C2orf80: variants seen among roughly 807,000 people sequenced by gnomAD.
C2orf80 encodes uncharacterized protein C2orf80.
C2orf80 carries 28 observed loss-of-function variants against 30.2 expected under a neutral mutation model. That is an observed-to-expected ratio of 0.93 (90% CI 0.69 to 1.27). The LOEUF (loss-of-function observed/expected upper bound fraction) is 1.27, where lower values mean the gene tolerates loss of function less well. Ranked by LOEUF, C2orf80 falls within the 50% of genes most tolerant of loss-of-function variation. The pLI, the probability that C2orf80 is intolerant of heterozygous loss-of-function variation, is 0.00. For missense variants in C2orf80, 220 were observed against 231.0 expected, an observed-to-expected ratio of 0.95 and a Z score of 0.31; for synonymous variants, 80 against 76.4, an observed-to-expected ratio of 1.05 and a Z score of -0.24.
In C2orf80 at chr2:208,184,932, TC is replaced by T; in HGVS notation, c.123+18del. On this transcript the variant is annotated intron_variant, in intron 3 of 8. Coordinates refer to ENST00000341287, the MANE Select transcript of C2orf80 (RefSeq NM_001099334.3). ...ACATATAACACAAATATGACTCGCA[TC>T]AGCGTGCCTTTCTTTACCATATCAT... 6.3e-7 allele frequency: 1 copy of T among 1,595,768 alleles called. No individual in the cohort carries two copies. The highest frequency in any genetic ancestry group is 1.7e-4 in the Middle Eastern group (1 of 6,010).
intron 6 of C2orf80, among the ~76,000 whole-genome samples, chr2:208,178,951 G>A (rs1256355336): frequency 6.6e-6 from 1 of 151,962 alleles, no homozygotes; most frequent in East Asian, 1.9e-4. Context: ...TAGAGTTGGG[G>A]TTTCACCATG....
intron 2 of C2orf80, among the ~76,000 whole-genome samples, 158 bp from the exon 3 acceptor site, chr2:208,185,190 G>T (rs879077422): frequency 6.6e-6 from 1 of 151,370 alleles, no homozygotes; most frequent in Middle Eastern, 3.2e-3. Flanking sequence ...TGGTTTACAC[G>T]ACAATTCTAC....
intron 8 of C2orf80, 32 bp from the exon 9 acceptor site, chr2:208,165,847 C>G: frequency 6.5e-7 from 1 of 1,532,302 alleles, no homozygotes; most frequent in Non-Finnish European, 9.0e-7. Context: ...TGGTATCAAG[C>G]ACATCAATTT....
In C2orf80 at chr2:208,190,005, G is replaced by C. The variant is rs1240037918; in HGVS notation, c.-128C>G. 1 of 702,974 alleles carries C rather than the reference G, an allele frequency of 1.4e-6. No homozygotes were observed. The highest frequency in any genetic ancestry group is 2.0e-5 in the Admixed American group (1 of 50,020). 43.5% of individuals were successfully genotyped at this position (702,974 alleles called of 1,614,324 possible). The stretch of plus-strand genomic sequence containing the variant: ...GTTCTTTCTCTGCTTCTGGAGGCAT[G>C]CTGAAGCATCCGCGCATCTCAGACT... On this transcript the variant is annotated 5_prime_UTR_variant, in exon 1 of 9. Transcript: ENST00000341287.
chr2:208,178,844 G>A (rs954325806), intron 6 of C2orf80, among the ~76,000 whole-genome samples: 3 of 152,018 alleles, frequency 2.0e-5, no homozygotes, highest in African/African-American at 4.8e-5. Flanking sequence ...TGCAACGTCC[G>A]TCTTCCGGGT....
intron 8 of C2orf80, among the ~76,000 whole-genome samples, chr2:208,167,846 A>G (rs1020546131): frequency 7.4e-5 from 11 of 148,266 alleles, no homozygotes; most frequent in African/African-American, 2.7e-4. Context: ...AAAGTGCTGG[A>G]ATTATAGGCA....
At chr2:208,170,898 C>T (rs1696076782) in intron 8 of C2orf80, 47 bp downstream of exon 8, 1 of 1,484,740 alleles carries the variant, frequency 6.7e-7, no homozygotes, top group African/African-American at 1.4e-5. Context: ...AAAGTACTCC[C>T]AAAATAGCTG....
Position 208,189,987 on chromosome 2 carries a change from C to G in C2orf80, c.-110G>C. 1.4e-6 allele frequency: 1 copy of G among 703,024 alleles called. No homozygotes were observed. The highest frequency in any genetic ancestry group is 2.7e-5 in the East Asian group (1 of 37,292). 43.5% of individuals were successfully genotyped at this position (703,024 alleles called of 1,614,324 possible). ...ACCGGTTCCAGTGCTTTTGTTCTTTCTCTGCTTCTGGAGGCATGCTGAAGC... is the reference window on the plus strand; with the variant it reads ...ACCGGTTCCAGTGCTTTTGTTCTTTGTCTGCTTCTGGAGGCATGCTGAAGC... On this transcript the variant is annotated 5_prime_UTR_variant, in exon 1 of 9. Transcript: ENST00000341287.
At chr2:208,171,159 T>C (rs1246670149) in intron 7 of C2orf80, 96 bp from the exon 8 acceptor site, 2 of 866,726 alleles carry the variant, frequency 2.3e-6, no homozygotes, top group Non-Finnish European at 3.7e-6. Context: ...TAATTAATTA[T>C]TTTTGAGACA....
chr2:208,180,851 C>T (rs770224709), intron 5 of C2orf80, 35 bp from the exon 6 acceptor site: 1 of 1,551,762 alleles, frequency 6.4e-7, no homozygotes, highest in Non-Finnish European at 8.9e-7. Flanking sequence ...AAAGTATGAT[C>T]ATACCATGGC....
intron 6 of C2orf80, among the ~76,000 whole-genome samples, chr2:208,175,086 C>T (rs969095524): frequency 6.6e-5 from 10 of 152,050 alleles, no homozygotes; most frequent in African/African-American, 2.4e-4. Flanking sequence ...GAGTTCAAAA[C>T]CAGCCCTGCC....
intron 1 of C2orf80, among the ~76,000 whole-genome samples, chr2:208,188,085 C>CGTGTGT (rs139478315): frequency 0.011 from 1,517 of 144,196 alleles, 15 homozygotes; most frequent in East Asian, 0.042. Context: ...TATACTGCAC[C>CGTGTGT]GTGTGTGTGT....
intron 2 of C2orf80, 74 bp from the exon 3 acceptor site, chr2:208,185,106 T>TC (rs60533219): frequency 0.15 from 144,587 of 962,936 alleles, 11,027 homozygotes; most frequent in South Asian, 0.21. Flanking sequence ...CTTTTTTTTT[T>TC]CCCATCCCTC....
intron 1 of C2orf80, 33 bp from the exon 2 acceptor site, chr2:208,187,094 G>T: frequency 9.8e-7 from 1 of 1,016,894 alleles, no homozygotes; most frequent in Non-Finnish European, 1.5e-6. Flanking sequence ...ATATGAGTTA[G>T]GGATGCTATC....
rs1466685793 is a variant in C2orf80, at chr2:208,185,016, T to C, written c.58A>G (p.Ile20Val). 4 of 1,613,618 alleles carry C rather than the reference T, an allele frequency of 2.5e-6. No individual in the cohort carries two copies. In the African/African-American group the frequency reaches 4.0e-5, roughly 16 times the overall value. ...TCAAATTCATTTTCCCGAAGTCTGA[T>C]GCCAATATAATCTCCCCTTAAAAGC... ...MKKLLGDYIG[I>V]RLRENEFDPK... The change falls in exon 3 of 9, where the codon ATC (isoleucine) becomes GTC (valine). Residue 20 changes from isoleucine (I) to valine (V), a missense_variant. Physicochemically the swap from Ile to Val is conservative, Grantham distance 29 (BLOSUM62 3). Transcript: ENST00000341287.
chr2:208,177,004 C>T (rs993415074), intron 6 of C2orf80, among the ~76,000 whole-genome samples: 349 of 45,134 alleles, frequency 7.7e-3, no homozygotes, highest in African/African-American at 0.021. Flanking sequence ...TACATATATA[C>T]ATATATACAG....
chr2:208,189,551 T>C (rs1350685239), intron 1 of C2orf80, among the ~76,000 whole-genome samples: 1 of 152,206 alleles, frequency 6.6e-6, no homozygotes, highest in Admixed American at 6.5e-5. Context: ...CCCTTACAGC[T>C]GTGGAAGTCA....
intron 6 of C2orf80, among the ~76,000 whole-genome samples, chr2:208,180,029 T>C (rs142485665): frequency 6.6e-6 from 1 of 152,244 alleles, no homozygotes; most frequent in Admixed American, 6.5e-5. Flanking sequence ...AACTAGGGAA[T>C]TTGTCATGAG....
rs59113395 is a variant in C2orf80, at chr2:208,176,938, T to C, written c.366+3807A>G. Among the ~76,000 whole-genome samples, 32 of 52,028 alleles carry C rather than the reference T, an allele frequency of 6.2e-4. 7 individuals are homozygous for C. The highest frequency in any genetic ancestry group is 2.2e-3 in the African/African-American group (30 of 13,428). The allele number at this position is 52,028 out of a possible 152,430, so 34.1% of individuals were successfully genotyped here. A position where few individuals can be genotyped will look rare whatever the true frequency, so the allele number is the denominator to read the frequency against. On this transcript the variant is annotated intron_variant, in intron 6 of 8. Coordinates refer to ENST00000341287, the MANE Select transcript of C2orf80 (RefSeq NM_001099334.3). ...ACATATCTGTATACATATGTATACATATCTGTATACATATCTGTATACATA... is the reference window on the plus strand; with the variant it reads ...ACATATCTGTATACATATGTATACACATCTGTATACATATCTGTATACATA...
Sources: allele counts gnomAD v4.1 joint callset (sites outside exome capture counted in the v4.1 genomes callset), GRCh38; gene constraint gnomAD v4.1.1; transcripts MANE v1.5; gene names NCBI Gene and HGNC (gene_info 2026-07-23, HGNC 2026-07-21).